The following ZNF469 variants were observed in gnomAD, a reference collection of about 807,000 sequenced individuals.
ZNF469 encodes zinc finger protein 469.
Under a neutral mutation model 1.0 loss-of-function variants are expected in ZNF469, and 1 was observed. That is an observed-to-expected ratio of 1.00 (90% CI 0.35 to 4.73). ZNF469 has a LOEUF of 4.73. Among genes scored for constraint, ZNF469 ranks in the 30% most tolerant of loss-of-function variants. The pLI is 0.16. For synonymous variants in ZNF469, 2,703 were observed against 2,363.4 expected, an observed-to-expected ratio of 1.14 and a Z score of -4.17; for missense variants, 6,100 against 5,356.3, an observed-to-expected ratio of 1.14 and a Z score of -4.33.
the ZNF469 span, among the ~76,000 whole-genome samples, chr16:88,183,743 C>T: frequency 6.6e-6 from 1 of 152,172 alleles, no homozygotes; most frequent in Non-Finnish European, 1.5e-5. Context: ...TATGTGTGTA[C>T]GTGATACCGC....
the ZNF469 span, among the ~76,000 whole-genome samples, chr16:88,246,989 G>A: frequency 3.5e-4 from 53 of 152,264 alleles, 2 homozygotes; most frequent in South Asian, 9.9e-3. Flanking sequence ...GTGAATGAAT[G>A]AATGAGTGAG....
At chr16:88,236,223 A>G in the ZNF469 span, among the ~76,000 whole-genome samples, 1 of 152,208 alleles carries the variant, frequency 6.6e-6, no homozygotes, top group South Asian at 2.1e-4. Flanking sequence ...AGGGAAGAGG[A>G]TTCTCTACAG....
the ZNF469 span, among the ~76,000 whole-genome samples, chr16:88,193,141 ATG>A: frequency 7.1e-5 from 1 of 14,132 alleles, no homozygotes; most frequent in Non-Finnish European, 1.4e-4. Flanking sequence ...GATGGTGGTG[ATG>A]GTGGTGGGGA....
chr16:88,144,889 G>T, the ZNF469 span, among the ~76,000 whole-genome samples: 1 of 150,980 alleles, frequency 6.6e-6, no homozygotes, highest in Non-Finnish European at 1.5e-5. Flanking sequence ...TCGCTCTGTA[G>T]CCCAGGCTGG....
chr16:88,116,839 G>A, the ZNF469 span, among the ~76,000 whole-genome samples: 2 of 152,274 alleles, frequency 1.3e-5, no homozygotes, highest in African/African-American at 2.4e-5. Context: ...AGTAGGGGCC[G>A]CAGGGGGGCA....
chr16:88,130,452 T>G, the ZNF469 span, among the ~76,000 whole-genome samples: 3 of 151,398 alleles, frequency 2.0e-5, no homozygotes, highest in Admixed American at 2.0e-4. Flanking sequence ...CGGCACCAGG[T>G]TACAAAGGGA....
At chr16:88,309,665 G>T in the ZNF469 span, among the ~76,000 whole-genome samples, 3 of 143,384 alleles carry the variant, frequency 2.1e-5, no homozygotes, top group African/African-American at 5.3e-5. Flanking sequence ...CCTTTGAGGT[G>T]CCCTGTCAGT....
At chr16:88,114,442 G>A in the ZNF469 span, among the ~76,000 whole-genome samples, 1 of 150,994 alleles carries the variant, frequency 6.6e-6, no homozygotes, top group Non-Finnish European at 1.5e-5. Context: ...GGGTCTCCGG[G>A]GAGAATGACA....
At chr16:88,196,216 G>T in the ZNF469 span, among the ~76,000 whole-genome samples, 774 of 152,296 alleles carry the variant, frequency 5.1e-3, 6 homozygotes, top group African/African-American at 0.017. Flanking sequence ...TACCTGTCGG[G>T]ACAGCATCTA....
chr16:88,352,293 T>C, the ZNF469 span, among the ~76,000 whole-genome samples: 1 of 152,194 alleles, frequency 6.6e-6, no homozygotes, highest in African/African-American at 2.4e-5. Flanking sequence ...TTTAGGAGTA[T>C]GTATTTTGTC....
chr16:88,114,349 C>G, the ZNF469 span, among the ~76,000 whole-genome samples: 1 of 138,314 alleles, frequency 7.2e-6, no homozygotes, highest in Admixed American at 7.7e-5. Flanking sequence ...CTGCGGGGGT[C>G]TCAGGGGAGA....
At chr16:88,281,141 C>G in the ZNF469 span, among the ~76,000 whole-genome samples, 19 of 145,160 alleles carry the variant, frequency 1.3e-4, no homozygotes, top group African/African-American at 4.8e-4. Flanking sequence ...AATGCTGTGC[C>G]ACACTGATGC....
At chr16:88,257,684 T>G in the ZNF469 span, among the ~76,000 whole-genome samples, 1 of 152,174 alleles carries the variant, frequency 6.6e-6, no homozygotes, top group Non-Finnish European at 1.5e-5. Flanking sequence ...AGTTATTTCT[T>G]TGTGAAGGTC....
At chr16:88,164,330 A>G in the ZNF469 span, among the ~76,000 whole-genome samples, 2 of 151,932 alleles carry the variant, frequency 1.3e-5, no homozygotes, top group Non-Finnish European at 2.9e-5. Flanking sequence ...AGATGTACAG[A>G]TGGATGGGTG....
the ZNF469 span, among the ~76,000 whole-genome samples, chr16:88,157,821 G>A: frequency 1.1e-3 from 166 of 151,920 alleles, no homozygotes; most frequent in Non-Finnish European, 1.4e-3. Context: ...TGCCATCCTC[G>A]CCACTGCTGG....
chr16:88,380,833 C>G (rs1015892981), upstream of ZNF469, among the ~76,000 whole-genome samples: 1 of 150,538 alleles, frequency 6.6e-6, no homozygotes. Flanking sequence ...CACACACACG[C>G]ACTCACACAG....
the ZNF469 span, among the ~76,000 whole-genome samples, chr16:88,180,841 C>T: frequency 1.3e-5 from 2 of 152,166 alleles, no homozygotes; most frequent in African/African-American, 4.8e-5. Context: ...TGTAAATATG[C>T]TTGCACCTAA....
chr16:88,256,904 T>TCTCTCTCTCTCTCTCTCTCTC, the ZNF469 span, among the ~76,000 whole-genome samples: 1 of 15,840 alleles, frequency 6.3e-5, no homozygotes, highest in Non-Finnish European at 1.3e-4. Context: ...CCTTCTTTCT[T>TCTCTCTCTCTCTCTCTCTCTC]TCTTTCTTTC....
At chr16:88,371,219 C>G in the ZNF469 span, among the ~76,000 whole-genome samples, 1 of 152,236 alleles carries the variant, frequency 6.6e-6, no homozygotes, top group Non-Finnish European at 1.5e-5. Context: ...GTCTGAGAAA[C>G]CAGCCTGATC....
Sources: allele counts gnomAD v4.1 joint callset (sites outside exome capture counted in the v4.1 genomes callset), GRCh38; gene constraint gnomAD v4.1.1; transcripts MANE v1.5; gene names NCBI Gene and HGNC (gene_info 2026-07-23, HGNC 2026-07-21).